The following VWA3B variants were observed in gnomAD, a reference collection of about 807,000 sequenced individuals.
The protein encoded by VWA3B is von Willebrand factor A domain-containing protein 3B.
A neutral mutation model predicts 158.3 loss-of-function variants in VWA3B; 138 were observed. The ratio of observed to expected loss-of-function variants is 0.87; its 90% CI spans 0.76 to 1.00. The LOEUF (loss-of-function observed/expected upper bound fraction) is 1.00. VWA3B is among the 50% of genes least tolerant of loss of function. The pLI is 0.00. For missense variants in VWA3B, 1,555 were observed against 1,565.1 expected (o/e 0.99, Z 0.11); for synonymous variants, 596 against 587.3 (o/e 1.01, Z -0.21).
intron 4 of VWA3B, among the ~76,000 whole-genome samples, chr2:98,120,351 C>A (rs550963446): frequency 6.6e-6 from 1 of 152,292 alleles, no homozygotes; most frequent in South Asian, 2.1e-4. Context: ...ATCTGGATAA[C>A]GGTTGGGGAA....
chr2:98,191,332 G>A (rs1464875019), intron 10 of VWA3B, among the ~76,000 whole-genome samples: 1 of 152,090 alleles, frequency 6.6e-6, no homozygotes, highest in South Asian at 2.1e-4. Flanking sequence ...TGTTTCTGTT[G>A]ATCAGTTTTT....
intron 6 of VWA3B, among the ~76,000 whole-genome samples, chr2:98,129,631 C>G (rs1358978030): frequency 6.6e-6 from 1 of 151,920 alleles, no homozygotes; most frequent in Non-Finnish European, 1.5e-5. Flanking sequence ...ATCTATTGGC[C>G]TCACAATACC....
chr2:98,300,774 C>T (rs1285467049), intron 25 of VWA3B, among the ~76,000 whole-genome samples: 4 of 152,108 alleles, frequency 2.6e-5, no homozygotes, highest in Non-Finnish European at 4.4e-5. Context: ...GGAGCACTCC[C>T]TCAGAGTGAA....
At position 98,157,159 on chromosome 2, in the gene VWA3B, C is replaced by G. The variant is rs1412482161; in HGVS notation, c.989-5692C>G. 2.6e-5 allele frequency among the ~76,000 whole-genome samples: 4 copies of G among 152,312 alleles called. No individual in the cohort carries two copies. In the East Asian group the frequency reaches 7.7e-4, roughly 29 times the overall value. ...GACGGTGCCACATTCACGTATTAGA[C>G]GATAGCTCAAGTTGCCCATTCTTCA... is the stretch of plus-strand genomic sequence containing the variant. On this transcript the variant is annotated intron_variant, in intron 7 of 27. Transcript: ENST00000477737.
At chr2:98,219,234 A>G (rs530095771) in intron 14 of VWA3B, among the ~76,000 whole-genome samples, 13 of 152,342 alleles carry the variant, frequency 8.5e-5, no homozygotes, top group African/African-American at 2.6e-4. Flanking sequence ...TTACTATTAG[A>G]GCATTAAAAC....
At chr2:98,327,522 A>G in the VWA3B span, among the ~76,000 whole-genome samples, 1,090 of 152,368 alleles carry the variant, frequency 7.2e-3, 10 homozygotes, top group African/African-American at 0.025. Context: ...AGACTGTTTT[A>G]ACAATCAAAA....
chr2:98,282,056 AGACGTTCTTT>A (rs1313682834), intron 22 of VWA3B, among the ~76,000 whole-genome samples: 2 of 152,188 alleles, frequency 1.3e-5, no homozygotes, highest in Non-Finnish European at 2.9e-5. Flanking sequence ...TGGAGTTGGG[AGACGTTCTTT>A]GACGTTAACT....
intron 8 of VWA3B, among the ~76,000 whole-genome samples, chr2:98,179,743 C>T (rs1034457566): frequency 6.7e-6 from 1 of 148,268 alleles, no homozygotes; most frequent in African/African-American, 2.5e-5. Context: ...CTCTCTCCTT[C>T]CTCCCTTCCT....
At chr2:98,312,108 C>T in intron 27 of VWA3B, 76 bp downstream of exon 27, 4 of 1,611,934 alleles carry the variant, frequency 2.5e-6, no homozygotes, top group Non-Finnish European at 3.4e-6. Flanking sequence ...AATAGTACAC[C>T]TAACATCGTC....
chr2:98,195,575 C>T (rs1032076545), intron 12 of VWA3B, among the ~76,000 whole-genome samples: 5 of 151,956 alleles, frequency 3.3e-5, no homozygotes, highest in Non-Finnish European at 4.4e-5. Context: ...TTGTGACATA[C>T]GTTCTGTCCT....
chr2:98,264,723 C>A (rs1478594061), intron 21 of VWA3B, among the ~76,000 whole-genome samples: 1 of 152,028 alleles, frequency 6.6e-6, no homozygotes, highest in African/African-American at 2.4e-5. Context: ...GTTGGTTAGG[C>A]CCAGTTGATT....
intron 19 of VWA3B, among the ~76,000 whole-genome samples, chr2:98,250,050 G>A (rs750999122): frequency 2.0e-5 from 3 of 152,052 alleles, no homozygotes; most frequent in African/African-American, 4.8e-5. Flanking sequence ...CAGTTTTGGC[G>A]GTGGTTGTTT....
chr2:98,116,592 G>A (rs1329647267), intron 3 of VWA3B, among the ~76,000 whole-genome samples: 1 of 151,998 alleles, frequency 6.6e-6, no homozygotes, highest in Admixed American at 6.6e-5. Context: ...CTGCAGCCTT[G>A]ACCTCCCGGG....
the VWA3B span, among the ~76,000 whole-genome samples, chr2:98,319,928 A>G: frequency 8.5e-6 from 1 of 117,094 alleles, no homozygotes; most frequent in Non-Finnish European, 2.2e-5. Flanking sequence ...CAAAACAAAA[A>G]AACTACATTT....
intron 2 of VWA3B, among the ~76,000 whole-genome samples, chr2:98,096,597 C>A (rs951329940): frequency 3.3e-5 from 5 of 152,206 alleles, no homozygotes; most frequent in Admixed American, 6.5e-5. Context: ...GATTCCATCT[C>A]CTTACTCATT....
chr2:98,201,414 G>A (rs898662185), intron 12 of VWA3B, among the ~76,000 whole-genome samples: 5 of 152,094 alleles, frequency 3.3e-5, no homozygotes. Context: ...GATTTCCAAT[G>A]ATGTCATGTA....
rs185298196 is a variant in VWA3B at position 98,120,806 on chromosome 2, A to G, written c.543-493A>G. On this transcript the variant is annotated intron_variant, in intron 4 of 27. Transcript: ENST00000477737. ...ACTAATACTCTGTTGAACTCAAAAC[A>G]ATACCAGTATTAATCCAAAAGAAGG... Among the ~76,000 whole-genome samples the G allele has an allele frequency of 6.6e-3, 1,009 of 152,362 alleles. 7 individuals carry two copies. The highest frequency in any genetic ancestry group is 8.4e-3 in the Non-Finnish European group (570 of 68,034).
intron 2 of VWA3B, among the ~76,000 whole-genome samples, chr2:98,107,120 A>G (rs1441162489): frequency 2.0e-5 from 3 of 152,032 alleles, no homozygotes; most frequent in Non-Finnish European, 4.4e-5. Flanking sequence ...TTTCTTTGTT[A>G]GCCTGTTACT....
At chr2:98,132,978 A>G (rs1675993816) in intron 6 of VWA3B, among the ~76,000 whole-genome samples, 1 of 152,188 alleles carries the variant, frequency 6.6e-6, no homozygotes, top group Admixed American at 6.5e-5. Context: ...GTGTGGTGCT[A>G]GGCAGAGACG....
Sources: gnomAD v4.1 joint callset for allele counts (sites outside exome capture counted in the v4.1 genomes callset) on GRCh38, gnomAD v4.1.1 for gene constraint, MANE v1.5 for transcripts, NCBI Gene and HGNC (gene_info 2026-07-23, HGNC 2026-07-21) for gene names.